Variants in ACSL3 observed in about 807,000 individuals in gnomAD.
ACSL3 encodes acyl-CoA synthetase long chain family member 3, also known as fatty acid CoA ligase Acsl3.
A neutral mutation model predicts 84.7 loss-of-function variants in ACSL3; 34 were observed. That is an observed-to-expected ratio of 0.40 (90% CI 0.31 to 0.53). The LOEUF is 0.53. Among genes scored for constraint, ACSL3 ranks in the 20% least tolerant of loss-of-function variants. The probability of loss-of-function intolerance (pLI) is 0.48; values close to 1 mark genes in which losing one functional copy is unlikely to be tolerated. For synonymous variants in ACSL3, 315 were observed against 299.4 expected (o/e 1.05, Z -0.54); for missense variants, 680 against 873.1 (o/e 0.78, Z 2.79).
chr2:222,863,244 A>C (rs976325151), intron 1 of ACSL3, among the ~76,000 whole-genome samples: 2 of 152,222 alleles, frequency 1.3e-5, no homozygotes, highest in Non-Finnish European at 1.5e-5. Flanking sequence ...GATTATGAGC[A>C]AGATTGTGAT....
intron 1 of ACSL3, among the ~76,000 whole-genome samples, chr2:222,880,631 A>G (rs969078926): frequency 6.6e-6 from 1 of 152,002 alleles, no homozygotes; most frequent in Non-Finnish European, 1.5e-5. Context: ...GATCAAGACC[A>G]TCCTGGCTAA....
intron 3 of ACSL3, among the ~76,000 whole-genome samples, chr2:222,903,586 T>C (rs1051962331): frequency 1.3e-5 from 2 of 152,198 alleles, no homozygotes; most frequent in African/African-American, 4.8e-5. Flanking sequence ...TCAAGAAATA[T>C]TAAATGATAG....
intron 1 of ACSL3, among the ~76,000 whole-genome samples, chr2:222,865,376 C>A (rs1278663816): frequency 2.0e-5 from 3 of 152,156 alleles, no homozygotes; most frequent in Non-Finnish European, 4.4e-5. Flanking sequence ...GGATAAGTGG[C>A]CTCCAAATAC....
intron 3 of ACSL3, among the ~76,000 whole-genome samples, chr2:222,907,386 C>T (rs1236053951): frequency 6.6e-6 from 1 of 152,162 alleles, no homozygotes; most frequent in African/African-American, 2.4e-5. Flanking sequence ...TGGCTGCTTG[C>T]GTCACTTGGG....
chr2:222,917,974 C>G, intron 5 of ACSL3, 72 bp from the exon 6 acceptor site: 1 of 1,088,808 alleles, frequency 9.2e-7, no homozygotes, highest in Non-Finnish European at 1.4e-6. Flanking sequence ...TATGATTCAT[C>G]TCCACATTCA....
chr2:222,872,658 A>G (rs1269996681), intron 1 of ACSL3, among the ~76,000 whole-genome samples: 1 of 152,158 alleles, frequency 6.6e-6, no homozygotes, highest in Non-Finnish European at 1.5e-5. Context: ...ATTTAATTAC[A>G]GTTGCAGTAG....
At chr2:222,912,324 C>G (rs1006232962) in intron 4 of ACSL3, among the ~76,000 whole-genome samples, 6 of 152,178 alleles carry the variant, frequency 3.9e-5, no homozygotes, top group Non-Finnish European at 2.9e-5. Flanking sequence ...GTTTTCCCCT[C>G]TCTTGGTTTC....
intron 2 of ACSL3, among the ~76,000 whole-genome samples, chr2:222,894,254 T>A (rs1695915829): frequency 6.6e-6 from 1 of 152,200 alleles, no homozygotes; most frequent in African/African-American, 2.4e-5. Flanking sequence ...CTGGTCTCCT[T>A]TTCCTTCAGT....
intron 9 of ACSL3, 58 bp downstream of exon 9, chr2:222,922,889 T>A: frequency 6.2e-7 from 1 of 1,604,564 alleles, no homozygotes; most frequent in Non-Finnish European, 8.5e-7. Flanking sequence ...TGTAATGCAT[T>A]TTTTTCAGTC....
intron 1 of ACSL3, among the ~76,000 whole-genome samples, chr2:222,869,405 C>T (rs1469145804): frequency 2.0e-5 from 3 of 152,094 alleles, no homozygotes; most frequent in African/African-American, 7.2e-5. Flanking sequence ...TATGTATATT[C>T]TTTCTTCCTC....
intron 16 of ACSL3, among the ~76,000 whole-genome samples, chr2:222,935,446 G>T (rs1697147020): frequency 6.6e-6 from 1 of 152,252 alleles, no homozygotes; most frequent in East Asian, 1.9e-4. Context: ...AGGCTGCAGC[G>T]ATCCTCCCAA....
At chr2:222,938,713 T>C (rs548621257) in intron 16 of ACSL3, among the ~76,000 whole-genome samples, 1 of 152,198 alleles carries the variant, frequency 6.6e-6, no homozygotes. Context: ...TTTCTTCAAA[T>C]AGGCTTTCTG....
chr2:222,873,972 CT>C (rs1202222831), intron 1 of ACSL3, among the ~76,000 whole-genome samples: 1 of 152,126 alleles, frequency 6.6e-6, no homozygotes, highest in African/African-American at 2.4e-5. Context: ...TATCTGTGCC[CT>C]TTAGTTTGAG....
intron 1 of ACSL3, among the ~76,000 whole-genome samples, chr2:222,862,923 A>G (rs573346331): frequency 6.6e-6 from 1 of 152,272 alleles, no homozygotes; most frequent in East Asian, 1.9e-4. Context: ...AGAACGCACA[A>G]ATTATAAGGG....
chr2:222,903,878 G>C (rs1185781466), intron 3 of ACSL3, among the ~76,000 whole-genome samples: 1 of 152,068 alleles, frequency 6.6e-6, no homozygotes, highest in Non-Finnish European at 1.5e-5. Context: ...TTACAAGAAG[G>C]TAACACAGTG....
At chr2:222,906,450 A>G (rs777073214) in intron 3 of ACSL3, among the ~76,000 whole-genome samples, 1 of 152,146 alleles carries the variant, frequency 6.6e-6, no homozygotes, top group Non-Finnish European at 1.5e-5. Context: ...CTTGTGATCC[A>G]GTTAAATTAA....
chr2:222,882,767 T>TTG (rs1040308440), intron 1 of ACSL3, among the ~76,000 whole-genome samples: 6 of 141,600 alleles, frequency 4.2e-5, no homozygotes, highest in Admixed American at 2.0e-4. Flanking sequence ...CACTGTTTTT[T>TTG]TTTTTTTTTT....
At chr2:222,917,298 C>A (rs533414716) in intron 5 of ACSL3, 1 of 152,262 alleles carries the variant, frequency 6.6e-6, no homozygotes, top group Non-Finnish European at 1.5e-5. Flanking sequence ...ACCCTGTTGG[C>A]CAGGATGGTC....
intron 1 of ACSL3, among the ~76,000 whole-genome samples, chr2:222,882,761 GTT>G (rs71408540): frequency 0.29 from 34,973 of 119,418 alleles, 3,635 homozygotes; most frequent in Admixed American, 0.4. Context: ...CCAGATCACT[GTT>G]TTTTTTTTTT....
Sources: gnomAD v4.1 joint callset for allele counts (sites outside exome capture counted in the v4.1 genomes callset) on GRCh38, gnomAD v4.1.1 for gene constraint, MANE v1.5 for transcripts, NCBI Gene and HGNC (gene_info 2026-07-23, HGNC 2026-07-21) for gene names.